Variants in RPS6KC1 observed in about 807,000 individuals in gnomAD.
RPS6KC1 encodes the protein ribosomal protein S6 kinase C1, also known as inactive ribosomal protein S6 kinase delta-1.
In RPS6KC1, 54 loss-of-function variants were observed where a neutral mutation model predicts 103.8. The observed-to-expected ratio is 0.52, with a 90% CI of 0.42 to 0.65. The LOEUF (loss-of-function observed/expected upper bound fraction) is 0.65, where lower values mean the gene tolerates loss of function less well. Among genes scored for constraint, RPS6KC1 ranks in the 30% least tolerant of loss-of-function variants. The pLI is 0.00. For synonymous variants in RPS6KC1, 439 were observed against 438.7 expected (o/e 1.00, Z -0.01); for missense variants, 1,151 against 1,253.8 (o/e 0.92, Z 1.24).
At chr1:213,317,218 T>C in the RPS6KC1 span, among the ~76,000 whole-genome samples, 1 of 152,228 alleles carries the variant, frequency 6.6e-6, no homozygotes, top group Admixed American at 6.5e-5. Flanking sequence ...GTTCTCTGAT[T>C]CATTGCTTGC....
chr1:213,373,572 T>G, the RPS6KC1 span, among the ~76,000 whole-genome samples: 1 of 152,168 alleles, frequency 6.6e-6, no homozygotes, highest in South Asian at 2.1e-4. Context: ...GCTGCCAGAA[T>G]TAAGGTTTAC....
intron 5 of RPS6KC1, among the ~76,000 whole-genome samples, chr1:213,118,119 A>G (rs995202487): frequency 1.3e-5 from 2 of 151,382 alleles, no homozygotes; most frequent in Admixed American, 1.3e-4. Context: ...TCATTTAGCC[A>G]CAAAGAATAA....
chr1:213,412,712 C>A, the RPS6KC1 span, among the ~76,000 whole-genome samples: 1 of 152,186 alleles, frequency 6.6e-6, no homozygotes, highest in African/African-American at 2.4e-5. Flanking sequence ...TGGCCAGGGG[C>A]CACTGGCCTG....
intron 7 of RPS6KC1, among the ~76,000 whole-genome samples, chr1:213,169,874 C>T (rs1029032228): frequency 1.3e-5 from 2 of 151,450 alleles, no homozygotes; most frequent in Admixed American, 6.6e-5. Flanking sequence ...CTCCGCTTCC[C>T]GGGTTCAGGC....
Position 213,241,303 on chromosome 1 carries a change from A to G in RPS6KC1, c.1827A>G (p.Ala609=), listed in dbSNP as rs745671564. The G allele has an allele frequency of 4.3e-6, 7 of 1,613,984 alleles. No homozygotes were observed. The South Asian group carries it at 7.7e-5, about 18-fold the overall frequency. ...EFFRIDSKDS[A]SELLGLDFGE... Reference sequence around the variant, plus strand: ...TTAGGATAGACAGTAAGGATAGCGCAAGTGAACTCCTGGGACTTGACTTTG... The same window carrying G: ...TTAGGATAGACAGTAAGGATAGCGCGAGTGAACTCCTGGGACTTGACTTTG... The change falls in exon 11 of 15, where the codon GCA becomes GCG. Residue 609 remains alanine (A), a synonymous_variant. Transcript: ENST00000366960.
the RPS6KC1 span, chr1:213,822,344 C>A: frequency 6.6e-6 from 1 of 152,114 alleles, no homozygotes; most frequent in Admixed American, 6.6e-5. Context: ...TCTTCTCTAT[C>A]TATTCCACCT....
At chr1:213,214,264 G>A (rs1456728742) in intron 8 of RPS6KC1, among the ~76,000 whole-genome samples, 1 of 152,262 alleles carries the variant, frequency 6.6e-6, no homozygotes, top group African/African-American at 2.4e-5. Flanking sequence ...TACGTACACG[G>A]AGCTTCGCTC....
the RPS6KC1 span, among the ~76,000 whole-genome samples, chr1:213,588,838 G>T: frequency 6.6e-5 from 10 of 152,264 alleles, no homozygotes; most frequent in African/African-American, 2.4e-4. Context: ...CATGGCAAGT[G>T]ATAATCTCCA....
At chr1:213,232,310 C>T in intron 10 of RPS6KC1, 55 bp downstream of exon 10, 1 of 1,605,546 alleles carries the variant, frequency 6.2e-7, no homozygotes, top group Non-Finnish European at 8.5e-7. Flanking sequence ...TACTTAGCTT[C>T]CAGTTTCTCT....
intron 4 of RPS6KC1, among the ~76,000 whole-genome samples, chr1:213,115,893 T>C (rs1467870570): frequency 1.3e-5 from 2 of 152,232 alleles, no homozygotes; most frequent in Non-Finnish European, 2.9e-5. Context: ...TGAGTTCTAG[T>C]TTGATTGCAC....
the RPS6KC1 span, among the ~76,000 whole-genome samples, chr1:213,848,006 C>T: frequency 6.6e-6 from 1 of 151,978 alleles, no homozygotes; most frequent in African/African-American, 2.4e-5. Flanking sequence ...GAGAGAGAAG[C>T]AATTGCAGTT....
At chr1:213,352,891 T>C in the RPS6KC1 span, among the ~76,000 whole-genome samples, 4 of 152,196 alleles carry the variant, frequency 2.6e-5, no homozygotes, top group Admixed American at 2.0e-4. Context: ...GTGGAAGATA[T>C]GTACTGTTAG....
intron 4 of RPS6KC1, among the ~76,000 whole-genome samples, chr1:213,111,814 A>G (rs1193667924): frequency 6.6e-6 from 1 of 152,190 alleles, no homozygotes. Flanking sequence ...GACATTCTCT[A>G]GAATACTTGG....
chr1:213,122,524 A>G (rs1024963413), intron 5 of RPS6KC1, among the ~76,000 whole-genome samples: 1 of 152,202 alleles, frequency 6.6e-6, no homozygotes, highest in Non-Finnish European at 1.5e-5. Flanking sequence ...TATTTTCAAG[A>G]CAAACTTAAA....
the RPS6KC1 span, among the ~76,000 whole-genome samples, chr1:213,542,206 G>C: frequency 1.3e-5 from 2 of 152,216 alleles, no homozygotes; most frequent in Non-Finnish European, 2.9e-5. Flanking sequence ...TATGTTGTCT[G>C]CTGAGCCCTG....
chr1:213,510,454 A>G, the RPS6KC1 span, among the ~76,000 whole-genome samples: 4 of 152,192 alleles, frequency 2.6e-5, no homozygotes, highest in Non-Finnish European at 4.4e-5. Flanking sequence ...GGTATACTCT[A>G]TACCCCCTAA....
At chr1:213,661,492 A>C in the RPS6KC1 span, among the ~76,000 whole-genome samples, 5 of 152,314 alleles carry the variant, frequency 3.3e-5, no homozygotes, top group South Asian at 1.0e-3. Context: ...TTGCCATGAT[A>C]ACTCACCCCA....
At chr1:213,339,662 T>C in the RPS6KC1 span, among the ~76,000 whole-genome samples, 4 of 152,254 alleles carry the variant, frequency 2.6e-5, no homozygotes, top group Non-Finnish European at 2.9e-5. Context: ...TGCGGGATTA[T>C]TTGAGAAGAC....
In RPS6KC1 at chr1:213,256,518, C is replaced by A. The variant is rs150689285; in HGVS notation, c.2912-5040C>A. 2.0e-3 allele frequency among the ~76,000 whole-genome samples: 303 copies of A among 149,648 alleles called. 1 individual carries two copies. Among genetic ancestry groups the A allele is most frequent in the African/African-American group, 6.7e-3 (272 of 40,350 alleles). On this transcript the variant is annotated intron_variant, in intron 12 of 14. Coordinates refer to ENST00000366960, the MANE Select transcript of RPS6KC1 (RefSeq NM_012424.6). Reference sequence around the variant, plus strand: ...GCCACATAAAATACACTAACACTAACGATAGCTGATGAGCTAAAAAAAAAA... The same window carrying A: ...GCCACATAAAATACACTAACACTAAAGATAGCTGATGAGCTAAAAAAAAAA...
Sources: gnomAD v4.1 joint callset for allele counts (sites outside exome capture counted in the v4.1 genomes callset) on GRCh38, gnomAD v4.1.1 for gene constraint, MANE v1.5 for transcripts, NCBI Gene and HGNC (gene_info 2026-07-23, HGNC 2026-07-21) for gene names.